The following HOXB3 variants were observed in gnomAD, a reference collection of about 807,000 sequenced individuals.
HOXB3 encodes the protein homeobox B3.
A neutral mutation model predicts 29.2 loss-of-function variants in HOXB3; 17 were observed. That is an observed-to-expected ratio of 0.58 (90% CI 0.40 to 0.87). The LOEUF is 0.87. Ranked by LOEUF, HOXB3 falls within the 40% of genes least tolerant of loss-of-function variation. HOXB3 has a pLI of 0.00. For synonymous variants in HOXB3, 317 were observed against 285.9 expected (o/e 1.11, Z -1.10); for missense variants, 637 against 616.3 (o/e 1.03, Z -0.35).
At position 48,550,966 on chromosome 17, in the gene HOXB3, C is replaced by T. The variant is rs2068711590; in HGVS notation, c.664G>A (p.Ala222Thr). ...CGCTCGCTGAGGTTCAGCAGGTTGG[C>T]CATCTCTACACGGCGAGGCCGGCAC... ...YLCRPRRVEM[A>T]NLLNLSERQI... The change falls in exon 5 of 5, where the codon GCC (alanine) becomes ACC (threonine). Residue 222 changes from alanine (A) to threonine (T), a missense_variant. Physicochemically the swap from Ala to Thr is moderately conservative, Grantham distance 58. Transcript: ENST00000498678. The T allele has an allele frequency of 1.2e-6, 2 of 1,613,802 alleles. No homozygotes were observed. The highest frequency in any genetic ancestry group is 2.7e-5 in the African/African-American group (2 of 74,904).
chr17:48,553,722 T>C (rs961883831), intron 3 of HOXB3: 3 of 152,176 alleles, frequency 2.0e-5, no homozygotes, highest in Non-Finnish European at 4.4e-5. Flanking sequence ...AAATCACTAT[T>C]TTAATACAGC....
intron 1 of HOXB3, among the ~76,000 whole-genome samples, chr17:48,574,853 C>A (rs899766324): frequency 1.3e-5 from 2 of 152,202 alleles, no homozygotes; most frequent in Non-Finnish European, 2.9e-5. Context: ...AAAATTAATA[C>A]TGGAGCAAGG....
intron 2 of HOXB3, among the ~76,000 whole-genome samples, chr17:48,565,834 C>T (rs1311741540): frequency 1.3e-5 from 2 of 152,208 alleles, no homozygotes; most frequent in East Asian, 1.9e-4. Flanking sequence ...TCCCCTCTGA[C>T]TGGCCTTTGT....
chr17:48,574,653 G>A (rs2069703342), intron 1 of HOXB3, among the ~76,000 whole-genome samples: 2 of 152,130 alleles, frequency 1.3e-5, no homozygotes. Context: ...CCCTGAGGCT[G>A]GAGCCCCCAG....
At position 48,554,851 on chromosome 17, in the gene HOXB3, G is replaced by A. The variant is rs947211548; in HGVS notation, c.-159+680C>T. ...GGAGGGCGCCGAGGCCTGGCGGACG[G>A]GACAGTGGGAAGAGAGAAAGGTGCT... On this transcript the variant is annotated intron_variant, in intron 3 of 4. Coordinates refer to ENST00000498678, the MANE Select transcript of HOXB3 (RefSeq NM_001384749.1). The surrounding 1 kb of genome is among the most constrained non-coding windows in gnomAD (Gnocchi z 4.1). The A allele has an allele frequency of 2.6e-5, 18 of 702,168 alleles. No homozygotes were observed. In the Admixed American group the frequency reaches 3.6e-4, roughly 14 times the overall value. The allele number at this position is 702,168 out of a possible 1,614,324, so 43.5% of individuals were successfully genotyped here. A position where few individuals can be genotyped will look rare whatever the true frequency, so the allele number is the denominator to read the frequency against.
chr17:48,558,314 C>T (rs2069072446), intron 2 of HOXB3, among the ~76,000 whole-genome samples: 2 of 152,082 alleles, frequency 1.3e-5, no homozygotes, highest in African/African-American at 4.8e-5. Flanking sequence ...CCCAAGCCTC[C>T]TCAACTCTTT....
chr17:48,556,121 G>A (rs1450566310), intron 2 of HOXB3, among the ~76,000 whole-genome samples: 1 of 149,452 alleles, frequency 6.7e-6, no homozygotes, highest in Non-Finnish European at 1.5e-5. Flanking sequence ...CCCAAAAAAA[G>A]AGTAAGAAGA....
Position 48,550,721 on chromosome 17 carries a change from C to A in HOXB3, c.909G>T (p.Ala303=). 6.4e-7 allele frequency: 1 copy of A among 1,566,942 alleles called. No homozygotes were observed. ...AFGKAHQNAY[A]LPSNYQPPLK... is the part of the protein sequence containing the mutation. ...GAGGGGGCTGGTAGTTGGAGGGCAGCGCGTAGGCATTCTGGTGGGCTTTAC... is the reference window on the plus strand; with the variant it reads ...GAGGGGGCTGGTAGTTGGAGGGCAGAGCGTAGGCATTCTGGTGGGCTTTAC... The change falls in exon 5 of 5, where the codon GCG becomes GCT. Residue 303 remains alanine (A), a synonymous_variant. Transcript: ENST00000498678.
intron 2 of HOXB3, among the ~76,000 whole-genome samples, chr17:48,573,124 G>GAAACC (rs1007534888): frequency 8.5e-5 from 13 of 152,144 alleles, no homozygotes; most frequent in African/African-American, 2.7e-4. Flanking sequence ...AGAGCAAAGG[G>GAAACC]AAACCAAACC....
chr17:48,565,157 G>C lies in HOXB3; in HGVS notation c.-247+8680C>G, dbSNP rs113016232. The stretch of plus-strand genomic sequence containing the variant: ...AGCCAAGAAAGGATTCCAGGGTCCA[G>C]GTGTGAAAGTCCCAACTCCCCCCAC... On this transcript the variant is annotated intron_variant, in intron 2 of 4. Transcript: ENST00000498678. 5.7e-3 allele frequency among the ~76,000 whole-genome samples: 869 copies of C among 152,258 alleles called. 12 individuals carry two copies. Among genetic ancestry groups the C allele is most frequent in the African/African-American group, 0.02 (839 of 41,546 alleles).
intron 2 of HOXB3, among the ~76,000 whole-genome samples, chr17:48,568,007 A>T (rs1221478127): frequency 6.6e-6 from 1 of 152,174 alleles, no homozygotes; most frequent in Non-Finnish European, 1.5e-5. Flanking sequence ...CATCAGTCCT[A>T]TAAATTAAGC....
Position 48,551,120 on chromosome 17 carries a change from G to C in HOXB3, c.510C>G (p.Gly170=). Reference sequence around the variant, plus strand: ...CCCCTCCCCCGCCGCCGCCGCCACCGCCCCCGCTGCCACCACTGCCTCCGC... The same window carrying C: ...CCCCTCCCCCGCCGCCGCCGCCACCCCCCCCGCTGCCACCACTGCCTCCGC... ...GGGGGSGGSG[G]GGGGGGGGDK... is the part of the protein sequence containing the mutation. The change falls in exon 5 of 5, where the codon GGC becomes GGG. Residue 170 remains glycine, a synonymous_variant. Coordinates refer to ENST00000498678, the MANE Select transcript of HOXB3 (RefSeq NM_001384749.1). The C allele has an allele frequency of 7.5e-7, 1 of 1,336,456 alleles. No homozygotes were observed. Among genetic ancestry groups the C allele is most frequent in the Non-Finnish European group, 9.6e-7 (1 of 1,043,668 alleles). 82.8% of individuals were successfully genotyped at this position (1,336,456 alleles called of 1,614,324 possible). A position where few individuals can be genotyped will look rare whatever the true frequency, so the allele number is the denominator to read the frequency against.
intron 4 of HOXB3, among the ~76,000 whole-genome samples, chr17:48,551,459 A>G (rs1460236014): frequency 6.6e-6 from 1 of 152,008 alleles, no homozygotes; most frequent in Non-Finnish European, 1.5e-5. Context: ...ACAGAGCCGC[A>G]TGGCCATTTA....
chr17:48,582,249 G>A (rs1267504106), intron 1 of HOXB3: 1 of 152,286 alleles, frequency 6.6e-6, no homozygotes, highest in African/African-American at 2.4e-5. Context: ...CGGCGGCGCG[G>A]AGGAGAGAAA....
At chr17:48,582,497 A>T (rs1393961715) in intron 1 of HOXB3, 2 of 151,992 alleles carry the variant, frequency 1.3e-5, no homozygotes, top group Non-Finnish European at 2.9e-5. Context: ...TTAATCTCAT[A>T]CTTTGGCAGT....
At position 48,550,090 on chromosome 17, in the gene HOXB3, G is replaced by A. The variant is rs2068656196; in HGVS notation, c.*244C>T. On this transcript the variant is annotated 3_prime_UTR_variant, in exon 5 of 5. Transcript: ENST00000498678. ...TAGTGCTGGAGCCCTGGGGTTGATG[G>A]GGTCATCTCCAATATGATGTGGATT... The A allele has an allele frequency of 4.0e-6, 2 of 503,550 alleles. No individual in the cohort carries two copies. Among genetic ancestry groups the A allele is most frequent in the Non-Finnish European group, 7.1e-6 (2 of 282,980 alleles). The allele number at this position is 503,550 out of a possible 1,614,324, so 31.2% of individuals were successfully genotyped here.
intron 1 of HOXB3, among the ~76,000 whole-genome samples, chr17:48,585,241 G>A (rs555219087): frequency 1.5e-4 from 23 of 152,336 alleles, no homozygotes; most frequent in African/African-American, 5.3e-4. Context: ...ATGCCTGGAA[G>A]GGCTTTTGAC....
chr17:48,577,214 G>A (rs1378126607), intron 1 of HOXB3, among the ~76,000 whole-genome samples: 1 of 152,184 alleles, frequency 6.6e-6, no homozygotes, highest in Non-Finnish European at 1.5e-5. Context: ...CCAAGTTTTG[G>A]AGGGCTGTGC....
rs1323947743 is a variant in HOXB3, at chr17:48,550,287, GTC to G, written c.*45_*46del. The stretch of plus-strand genomic sequence containing the variant: ...CCAGGTTGCCCCCCAGAGCTCCACA[GTC>G]TCTCTCTTCCTCCCCATCCCCTAAT... On this transcript the variant is annotated 3_prime_UTR_variant, in exon 5 of 5. Transcript: ENST00000498678. 22 of 1,611,132 alleles carry G rather than the reference GTC, an allele frequency of 1.4e-5. No individual in the cohort carries two copies. The highest frequency in any genetic ancestry group is 1.9e-4 in the Middle Eastern group (1 of 5,352).
Sources: gnomAD v4.1 joint callset for allele counts (sites outside exome capture counted in the v4.1 genomes callset) on GRCh38, gnomAD v4.1.1 for gene constraint, Gnocchi (gnomAD v3.1) non-coding constraint, MANE v1.5 for transcripts, NCBI Gene and HGNC (gene_info 2026-07-23, HGNC 2026-07-21) for gene names.